The following AKAP7 variants were observed in gnomAD, a reference collection of about 807,000 sequenced individuals.
The protein encoded by AKAP7 is A kinase (PRKA) anchor protein 7.
In AKAP7, 39 loss-of-function variants were observed where a neutral mutation model predicts 39.5. The ratio of observed to expected loss-of-function variants is 0.99; its 90% CI spans 0.76 to 1.29. AKAP7 has a LOEUF of 1.29. AKAP7 is among the 50% of genes most tolerant of loss of function. The pLI is 0.00. For synonymous variants in AKAP7, 140 were observed against 139.1 expected (o/e 1.01, Z -0.05); for missense variants, 414 against 407.7 (o/e 1.02, Z -0.13).
chr6:131,169,193 G>T lies in AKAP7; in HGVS notation c.509G>T (p.Gly170Val), dbSNP rs765411442. The change falls in exon 5 of 8, where the codon GGG becomes GTG. Residue 170 changes from glycine to valine, a missense_variant. Gly to Val is a moderately radical substitution (Grantham distance 109). Coordinates refer to ENST00000431975, the MANE Select transcript of AKAP7 (RefSeq NM_016377.4). Reference sequence around the variant, plus strand: ...AAACATTTGACTTTGCCCTTTCAAGGGATTGGTACTTTTGGAAATCAGGTT... The same window carrying T: ...AAACATTTGACTTTGCCCTTTCAAGTGATTGGTACTTTTGGAAATCAGGTT... ...QGKHLTLPFQ[G>V]IGTFGNQVGF... 5.0e-5 allele frequency: 80 copies of T among 1,613,892 alleles called. No homozygotes were observed. The highest frequency in any genetic ancestry group is 6.2e-5 in the Non-Finnish European group (73 of 1,179,972).
chr6:131,134,637 A>G (rs1233856994), upstream of AKAP7, among the ~76,000 whole-genome samples: 4 of 152,242 alleles, frequency 2.6e-5, no homozygotes, highest in East Asian at 7.7e-4. Context: ...CAGCCCATAA[A>G]TGGGCATCAG....
At chr6:131,239,558 T>G (rs948289072) in intron 7 of AKAP7, among the ~76,000 whole-genome samples, 51 of 152,222 alleles carry the variant, frequency 3.4e-4, no homozygotes, top group Non-Finnish European at 2.8e-4. Context: ...CAGACGTAGA[T>G]TTGGTCTTTT....
At chr6:131,141,899 CTTTTTTTTT>C (rs773131426) in intron 1 of AKAP7, among the ~76,000 whole-genome samples, 3 of 116,204 alleles carry the variant, frequency 2.6e-5, no homozygotes, top group East Asian at 2.3e-4. Flanking sequence ...TTCTTTCTTT[CTTTTTTTTT>C]TTTTTTTTTT....
At chr6:131,180,229 C>T (rs1225702264) in intron 5 of AKAP7, among the ~76,000 whole-genome samples, 3 of 152,182 alleles carry the variant, frequency 2.0e-5, no homozygotes, top group Admixed American at 6.5e-5. Context: ...AAGAGGTGTC[C>T]TTTATCTAGT....
chr6:131,212,353 T>G (rs547698787), intron 6 of AKAP7, among the ~76,000 whole-genome samples: 20 of 152,372 alleles, frequency 1.3e-4, no homozygotes, highest in Non-Finnish European at 2.4e-4. Context: ...AGAGAAACAT[T>G]CATTTTAAAA....
intron 5 of AKAP7, among the ~76,000 whole-genome samples, chr6:131,187,855 T>C (rs1806021844): frequency 6.6e-6 from 1 of 152,134 alleles, no homozygotes; most frequent in African/African-American, 2.4e-5. Context: ...CCCCTAAGGG[T>C]GATGTACCAG....
rs771641427 is a variant in AKAP7 at position 131,204,021 on chromosome 6, C to T, written c.702+4448C>T. Among the ~76,000 whole-genome samples, 4 of 151,946 alleles carry T rather than the reference C, an allele frequency of 2.6e-5. No individual in the cohort carries two copies. In the South Asian group the frequency reaches 6.2e-4, roughly 24 times the overall value. On this transcript the variant is annotated intron_variant, in intron 6 of 7. Coordinates refer to ENST00000431975, the MANE Select transcript of AKAP7 (RefSeq NM_016377.4). ...AATAGTGACAATTTATACTCCCAAC[C>T]GTGGTGTATGAGAAGAACATTTGTT...
At chr6:131,212,044 T>C (rs781443016) in intron 6 of AKAP7, among the ~76,000 whole-genome samples, 2 of 152,212 alleles carry the variant, frequency 1.3e-5, no homozygotes, top group African/African-American at 2.4e-5. Flanking sequence ...GCATATCTCA[T>C]GTAAGCTATT....
upstream of AKAP7, among the ~76,000 whole-genome samples, chr6:131,130,774 C>A (rs1262832078): frequency 6.6e-6 from 1 of 152,118 alleles, no homozygotes; most frequent in Non-Finnish European, 1.5e-5. Context: ...TAGAATGATT[C>A]ATTAGATTAG....
At chr6:131,130,061 G>T in the AKAP7 span, among the ~76,000 whole-genome samples, 1 of 152,194 alleles carries the variant, frequency 6.6e-6, no homozygotes, top group African/African-American at 2.4e-5. Context: ...TTTAGTAGTA[G>T]TTCCTGAAAG....
intron 1 of AKAP7, chr6:131,136,952 GTATGTATA>G (rs199914233): frequency 4.8e-5 from 34 of 713,398 alleles, no homozygotes; most frequent in Middle Eastern, 7.0e-4. Flanking sequence ...ACTTATGTAT[GTATGTATA>G]TATGTATATA....
At chr6:131,223,733 C>T (rs1809909174) in intron 7 of AKAP7, among the ~76,000 whole-genome samples, 1 of 152,130 alleles carries the variant, frequency 6.6e-6, no homozygotes, top group African/African-American at 2.4e-5. Flanking sequence ...ATTGCAGTGC[C>T]TCATTACCTT....
chr6:131,228,208 A>G (rs1036945286), intron 7 of AKAP7, among the ~76,000 whole-genome samples: 3 of 152,194 alleles, frequency 2.0e-5, no homozygotes, highest in Admixed American at 6.5e-5. Flanking sequence ...AGGAGAAGGA[A>G]ATTAATTTTT....
chr6:131,137,988 T>C (rs550293942), intron 1 of AKAP7, among the ~76,000 whole-genome samples: 9 of 152,200 alleles, frequency 5.9e-5, no homozygotes, highest in Non-Finnish European at 1.3e-4. Flanking sequence ...TTTCTGTCAT[T>C]GCATTCTTCA....
chr6:131,224,320 A>G (rs945612566), intron 7 of AKAP7, among the ~76,000 whole-genome samples: 5 of 152,160 alleles, frequency 3.3e-5, no homozygotes, highest in Admixed American at 6.5e-5. Context: ...TAATTGGCCT[A>G]CCTTGGTTTG....
intron 7 of AKAP7, among the ~76,000 whole-genome samples, chr6:131,220,533 T>G (rs1281507308): frequency 6.6e-6 from 1 of 152,242 alleles, no homozygotes; most frequent in Admixed American, 6.5e-5. Context: ...ACAACCTGAT[T>G]TATATGCTTT....
At chr6:131,145,489 C>T in intron 2 of AKAP7, 73 bp downstream of exon 2, 1 of 1,027,004 alleles carries the variant, frequency 9.7e-7, no homozygotes. Context: ...ATATTTTTTT[C>T]TTTATAAGTT....
chr6:131,157,092 TC>T (rs1485588123), intron 2 of AKAP7, among the ~76,000 whole-genome samples: 3 of 152,320 alleles, frequency 2.0e-5, no homozygotes, highest in African/African-American at 7.2e-5. Context: ...TACTAAATGT[TC>T]TTTAGCAGAT....
At position 131,281,010 on chromosome 6, in the gene AKAP7, A is replaced by G. The variant is rs1385007014; in HGVS notation, c.851-520A>G. ...ACAAGCTTACTTTAAACCAATTCCT[A>G]GTGGTAGTAACTGCCTTTATCTTCA... is the stretch of plus-strand genomic sequence containing the variant. On this transcript the variant is annotated intron_variant, in intron 7 of 7. Coordinates refer to ENST00000431975, the MANE Select transcript of AKAP7 (RefSeq NM_016377.4). The surrounding 1 kb of genome is among the most constrained non-coding windows in gnomAD (Gnocchi z 4.0). Among the ~76,000 whole-genome samples, 1 of 152,224 alleles carries G rather than the reference A, an allele frequency of 6.6e-6. No homozygotes were observed. The highest frequency in any genetic ancestry group is 2.4e-5 in the African/African-American group (1 of 41,460).
Sources: allele counts gnomAD v4.1 joint callset (sites outside exome capture counted in the v4.1 genomes callset), GRCh38; gene constraint gnomAD v4.1.1; non-coding constraint Gnocchi (gnomAD v3.1); transcripts MANE v1.5; gene names NCBI Gene and HGNC (gene_info 2026-07-23, HGNC 2026-07-21).